The following IL26 variants were observed in gnomAD, a reference collection of about 807,000 sequenced individuals.
IL26 encodes the protein interleukin 26, also known as interleukin-26.
Under a neutral mutation model 21.7 loss-of-function variants are expected in IL26, and 23 were observed. The observed-to-expected ratio is 1.06, with a 90% CI of 0.76 to 1.50. The LOEUF is 1.50. Ranked by LOEUF, IL26 falls within the 40% of genes most tolerant of loss-of-function variation. The pLI is 0.00. For missense variants in IL26, 204 were observed against 196.0 expected, an observed-to-expected ratio of 1.04 and a Z score of -0.24; for synonymous variants, 63 against 67.8, an observed-to-expected ratio of 0.93 and a Z score of 0.34.
chr12:68,219,149 A>G (rs947417506), intron 3 of IL26, among the ~76,000 whole-genome samples: 4 of 151,988 alleles, frequency 2.6e-5, no homozygotes, highest in Non-Finnish European at 5.9e-5. Context: ...GTTAATAAAG[A>G]GAGAGAAAAA....
chr12:68,203,541 C>T (rs1166282066), intron 3 of IL26, among the ~76,000 whole-genome samples: 1 of 152,130 alleles, frequency 6.6e-6, no homozygotes, highest in Non-Finnish European at 1.5e-5. Flanking sequence ...AGTTAAAACT[C>T]GTGAAACGGA....
intron 3 of IL26, among the ~76,000 whole-genome samples, chr12:68,219,525 T>G (rs540978233): frequency 3.4e-4 from 51 of 151,876 alleles, no homozygotes; most frequent in African/African-American, 1.2e-3. Flanking sequence ...GAAATGTAAC[T>G]AAAGAAGTAC....
chr12:68,208,065 C>G (rs1172877022), intron 3 of IL26, among the ~76,000 whole-genome samples: 2 of 152,022 alleles, frequency 1.3e-5, no homozygotes, highest in Non-Finnish European at 2.9e-5. Flanking sequence ...ACAAAAGTAC[C>G]CTGCATGAAA....
chr12:68,210,388 C>G (rs971923883), intron 3 of IL26, among the ~76,000 whole-genome samples: 18 of 60,476 alleles, frequency 3.0e-4, no homozygotes, highest in Non-Finnish European at 4.1e-4. Flanking sequence ...AAAAAAACAG[C>G]ACAAGCACTA....
intron 3 of IL26, among the ~76,000 whole-genome samples, chr12:68,221,589 A>G (rs1183880044): frequency 6.6e-6 from 1 of 152,244 alleles, no homozygotes; most frequent in African/African-American, 2.4e-5. Flanking sequence ...GGCTGGTGAT[A>G]TGAATGTCAA....
chr12:68,206,349 T>A (rs750894122), intron 3 of IL26, among the ~76,000 whole-genome samples: 5 of 152,160 alleles, frequency 3.3e-5, no homozygotes, highest in Non-Finnish European at 5.9e-5. Flanking sequence ...AGAGGCTGAA[T>A]TAGAGATGTT....
intron 3 of IL26, among the ~76,000 whole-genome samples, chr12:68,206,486 C>T (rs1868547188): frequency 6.6e-6 from 1 of 152,172 alleles, no homozygotes; most frequent in Non-Finnish European, 1.5e-5. Flanking sequence ...AAGGTACTTC[C>T]TGACTTCAGG....
At chr12:68,220,916 C>T (rs1041756149) in intron 3 of IL26, among the ~76,000 whole-genome samples, 3 of 152,202 alleles carry the variant, frequency 2.0e-5, no homozygotes, top group African/African-American at 7.2e-5. Context: ...GGATTGTAGG[C>T]GTAAGCTACC....
intron 3 of IL26, among the ~76,000 whole-genome samples, chr12:68,204,474 G>A (rs1247815520): frequency 6.6e-6 from 1 of 152,038 alleles, no homozygotes; most frequent in African/African-American, 2.4e-5. Context: ...GAAGGTAAGA[G>A]ACCAAAGAAC....
At chr12:68,225,306 T>C in intron 2 of IL26, 23 bp from the exon 3 acceptor site, 2 of 1,597,044 alleles carry the variant, frequency 1.3e-6, no homozygotes, top group Non-Finnish European at 1.7e-6. Flanking sequence ...TACAAGAAAT[T>C]GCATATGGTA....
intron 3 of IL26, among the ~76,000 whole-genome samples, chr12:68,214,884 GTT>G (rs35904332): frequency 0.093 from 13,357 of 144,362 alleles, 641 homozygotes; most frequent in Admixed American, 0.12. Flanking sequence ...CCTGTTTTAT[GTT>G]TTTTTTTTTT....
At chr12:68,212,967 C>G (rs1232182667) in intron 3 of IL26, among the ~76,000 whole-genome samples, 1 of 152,034 alleles carries the variant, frequency 6.6e-6, no homozygotes, top group East Asian at 1.9e-4. Context: ...TTGTCCTGTT[C>G]CAGATGATAG....
intron 3 of IL26, among the ~76,000 whole-genome samples, chr12:68,221,074 A>G (rs1869032289): frequency 6.6e-6 from 1 of 152,140 alleles, no homozygotes; most frequent in Non-Finnish European, 1.5e-5. Context: ...CTTGATCTTT[A>G]TTTCCAGAAG....
intron 3 of IL26, among the ~76,000 whole-genome samples, chr12:68,205,581 A>G (rs1216489156): frequency 1.3e-5 from 2 of 152,200 alleles, no homozygotes; most frequent in Non-Finnish European, 2.9e-5. Flanking sequence ...AACTAAGGAT[A>G]AGGAGGAAGT....
rs116521242 is a variant in IL26 at position 68,202,116 on chromosome 12, G to A, written c.364-33C>T. On this transcript the variant is annotated intron_variant, in intron 3 of 4. Coordinates refer to ENST00000229134, the MANE Select transcript of IL26 (RefSeq NM_018402.2). ...ATCAACAGTAATTACAGATAATATT[G>A]TTGAAGAGGCATTAATGATACTCTT... 3,986 of 1,338,494 alleles carry A rather than the reference G, an allele frequency of 3.0e-3. 96 individuals are homozygous for A. In the African/African-American group the frequency reaches 0.051, roughly 17 times the overall value. The allele number at this position is 1,338,494 out of a possible 1,614,324, so 82.9% of individuals were successfully genotyped here.
At chr12:68,221,028 G>A (rs1869031205) in intron 3 of IL26, among the ~76,000 whole-genome samples, 1 of 152,148 alleles carries the variant, frequency 6.6e-6, no homozygotes, top group Non-Finnish European at 1.5e-5. Context: ...CTGATCTTAT[G>A]ATTTTTATGC....
intron 3 of IL26, among the ~76,000 whole-genome samples, chr12:68,217,515 A>G (rs1482188481): frequency 6.6e-6 from 1 of 152,206 alleles, no homozygotes; most frequent in African/African-American, 2.4e-5. Context: ...GCTTTCTTAT[A>G]TGATAAGTTC....
intron 3 of IL26, among the ~76,000 whole-genome samples, chr12:68,202,722 A>G (rs1480100721): frequency 6.6e-6 from 1 of 152,166 alleles, no homozygotes; most frequent in Non-Finnish European, 1.5e-5. Flanking sequence ...GGGGATCACA[A>G]TTCAAGATGA....
intron 3 of IL26, among the ~76,000 whole-genome samples, chr12:68,205,397 A>G (rs1191955903): frequency 6.6e-6 from 1 of 151,830 alleles, no homozygotes; most frequent in African/African-American, 2.4e-5. Context: ...TGATTAATCA[A>G]TTAACACATA....
Sources: gnomAD v4.1 joint callset for allele counts (sites outside exome capture counted in the v4.1 genomes callset) on GRCh38, gnomAD v4.1.1 for gene constraint, MANE v1.5 for transcripts, NCBI Gene and HGNC (gene_info 2026-07-23, HGNC 2026-07-21) for gene names.